The following JAG1 variants were observed in gnomAD, a reference collection of about 807,000 sequenced individuals.
JAG1 encodes jagged canonical Notch ligand 1, also known as protein jagged-1.
JAG1 carries 23 observed loss-of-function variants against 148.7 expected under a neutral mutation model. The ratio of observed to expected loss-of-function variants is 0.15; its 90% CI spans 0.11 to 0.22. The LOEUF (loss-of-function observed/expected upper bound fraction) is 0.22, where lower values mean the gene tolerates loss of function less well. JAG1 is among the 10% of genes least tolerant of loss of function. The pLI is 1.00. For missense variants in JAG1, 1,054 were observed against 1,611.2 expected (o/e 0.65, Z 5.92); for synonymous variants, 572 against 598.3 (o/e 0.96, Z 0.64).
At chr20:10,664,488 G>A (rs914733843) in intron 2 of JAG1, among the ~76,000 whole-genome samples, 3 of 152,060 alleles carry the variant, frequency 2.0e-5, no homozygotes, top group African/African-American at 7.2e-5. Flanking sequence ...TTGGGCCCTG[G>A]TGAGGCAGTC....
intron 5 of JAG1, 145 bp downstream of exon 5, chr20:10,656,253 G>C: frequency 1.5e-6 from 1 of 671,848 alleles, no homozygotes; most frequent in Non-Finnish European, 2.7e-6. Flanking sequence ...AATTTAATAA[G>C]CTTCGGATGT....
chr20:10,652,694 G>T, intron 5 of JAG1, 96 bp from the exon 6 acceptor site: 1 of 1,384,292 alleles, frequency 7.2e-7, no homozygotes. Context: ...GGCTTTTTCT[G>T]TTTTGTTTCT....
chr20:10,640,666 G>A, intron 25 of JAG1, 117 bp downstream of exon 25: 1 of 1,054,154 alleles, frequency 9.5e-7, no homozygotes, highest in South Asian at 1.3e-5. Context: ...CAGTTAAATT[G>A]GGAGCTCCTG....
Position 10,637,927 on chromosome 20 carries a change from G to C in JAG1, c.*1571C>G, listed in dbSNP as rs529989723. On this transcript the variant is annotated 3_prime_UTR_variant, in exon 26 of 26. Transcript: ENST00000254958. ...ACTCAGCAGGGTGGCAGAAGCACAT[G>C]GCAAAGCCGGTAGAACTACGTAAGC... 2.6e-5 allele frequency: 4 copies of C among 152,606 alleles called. No homozygotes were observed. The highest frequency in any genetic ancestry group is 2.6e-4 in the Admixed American group (4 of 15,290). 9.5% of individuals were successfully genotyped at this position (152,606 alleles called of 1,614,324 possible).
intron 2 of JAG1, among the ~76,000 whole-genome samples, chr20:10,665,926 G>A (rs1331958611): frequency 6.6e-6 from 1 of 152,164 alleles, no homozygotes; most frequent in Admixed American, 6.5e-5. Flanking sequence ...ATCCTCGCCA[G>A]AACTGGGAAA....
At chr20:10,640,399 AC>A (rs34220770) in intron 25 of JAG1, among the ~76,000 whole-genome samples, 57,680 of 151,988 alleles carry the variant, frequency 0.38, 11,673 homozygotes, top group Admixed American at 0.48. Context: ...AAGCCTGGAC[AC>A]CCCTGCGGGG....
Position 10,639,843 on chromosome 20 carries a change from G to C in JAG1, c.3312C>G (p.His1104Gln), listed in dbSNP as rs1250645531. Residue 1104 changes from histidine (H) to glutamine (Q), a missense_variant, in exon 26 of 26, where the codon CAC (histidine) becomes CAG (glutamine). His to Gln is a conservative substitution (Grantham distance 24). Transcript: ENST00000254958. Reference protein sequence around the residue: ...RKRRKPGSHTHSASEDNTTNN... With the variant: ...RKRRKPGSHTQSASEDNTTNN... ...TGGTGGTGTTGTCCTCAGAGGCTGA[G>C]TGTGTGTGGCTGCCCGGCTTCCGCC... 6.2e-7 allele frequency: 1 copy of C among 1,614,188 alleles called. No individual in the cohort carries two copies. The highest frequency in any genetic ancestry group is 8.5e-7 in the Non-Finnish European group (1 of 1,180,008).
intron 10 of JAG1, 72 bp downstream of exon 10, chr20:10,649,450 G>A (rs1239472647): frequency 4.3e-6 from 4 of 920,946 alleles, no homozygotes; most frequent in Non-Finnish European, 7.1e-6. Flanking sequence ...CCTAGGACTG[G>A]AGCCCCAGTA....
rs766675830 is a variant in JAG1, at chr20:10,639,663, G to A, written c.3492C>T (p.His1164=). 5.6e-6 allele frequency: 9 copies of A among 1,614,232 alleles called. No homozygotes were observed. The highest frequency in any genetic ancestry group is 7.6e-6 in the Non-Finnish European group (9 of 1,180,040). The change falls in exon 26 of 26, where the codon CAC becomes CAT. Residue 1164 remains histidine, a synonymous_variant. Coordinates refer to ENST00000254958, the MANE Select transcript of JAG1 (RefSeq NM_000214.3). ...SEVEEDDMDK[H]QQKARFAKQP... The stretch of plus-strand genomic sequence containing the variant: ...GCTTGGCAAACCGGGCTTTCTGCTG[G>A]TGTTTGTCCATGTCGTCCTCTTCTA...
rs2067332433 is a variant in JAG1, at chr20:10,649,589, A to G, written c.1281T>C (p.Cys427=). 6.2e-7 allele frequency: 1 copy of G among 1,613,910 alleles called. No homozygotes were observed. Among genetic ancestry groups the G allele is most frequent in the South Asian group, 1.1e-5 (1 of 91,066 alleles). Residue 427 remains cysteine (C), a synonymous_variant, in exon 10 of 26, where the codon TGT becomes TGC. Transcript: ENST00000254958. ...EAKPCVNAKS[C]KNLIASYYCD... Reference sequence around the variant, plus strand: ...AGTAGTAGCTGGCAATGAGATTCTTACAGGATTTGGCGTTTACACAAGGTT... The same window carrying G: ...AGTAGTAGCTGGCAATGAGATTCTTGCAGGATTTGGCGTTTACACAAGGTT...
intron 9 of JAG1, among the ~76,000 whole-genome samples, 173 bp downstream of exon 9, chr20:10,650,073 TC>T (rs2122611212): frequency 6.6e-6 from 1 of 152,330 alleles, no homozygotes; most frequent in Non-Finnish European, 1.5e-5. Context: ...AAAGAGCTAG[TC>T]CATTTGCATT....
chr20:10,673,442 G>A lies in JAG1; in HGVS notation c.81+8C>T, dbSNP rs1214661671. The A allele has an allele frequency of 3.4e-6, 5 of 1,449,752 alleles. No individual in the cohort carries two copies. Among genetic ancestry groups the A allele is most frequent in the East Asian group, 2.8e-5 (1 of 36,086 alleles). 89.8% of individuals were successfully genotyped at this position (1,449,752 alleles called of 1,614,324 possible). ...GGCTGGGAGGGAGGCCCGGAGAAGG[G>A]CTCCTACCTTGGCTCGCAGGGCACA... On this transcript the variant is annotated splice_region_variant and intron_variant, in intron 1 of 25. Coordinates refer to ENST00000254958, the MANE Select transcript of JAG1 (RefSeq NM_000214.3). The surrounding 1 kb of genome is among the most constrained non-coding windows in gnomAD (Gnocchi z 4.7).
At chr20:10,649,692 C>G in intron 9 of JAG1, 57 bp from the exon 10 acceptor site, 1 of 1,003,422 alleles carries the variant, frequency 1.0e-6, no homozygotes, top group South Asian at 1.3e-5. Context: ...TCTCCCCCAC[C>G]TTGGAAAAAA....
At chr20:10,662,573 C>A (rs1041822135) in intron 3 of JAG1, 1 of 152,732 alleles carries the variant, frequency 6.5e-6, no homozygotes, top group Non-Finnish European at 1.5e-5. Flanking sequence ...TATGTCTCCC[C>A]CCTCCTCAAC....
At chr20:10,648,803 T>C in intron 11 of JAG1, 81 bp from the exon 12 acceptor site, 1 of 1,393,328 alleles carries the variant, frequency 7.2e-7, no homozygotes, top group Non-Finnish European at 1.0e-6. Context: ...CGGTTTAGCA[T>C]GACTGTTGCG....
rs1491263633 is a variant in JAG1 at position 10,644,274 on chromosome 20, T to TCACACA, written c.2372+82_2372+83insTGTGTG. The stretch of plus-strand genomic sequence containing the variant: ...ATTTTAAACACAATCCCTGGGTGAT[T>TCACACA]CTCACACACACACACACACACACAC... On this transcript the variant is annotated intron_variant, in intron 19 of 25. Transcript: ENST00000254958. 1.7e-5 allele frequency: 12 copies of TCACACA among 688,488 alleles called. No individual in the cohort carries two copies. The African/African-American group carries it at 2.7e-4, about 16-fold the overall frequency. 42.6% of individuals were successfully genotyped at this position (688,488 alleles called of 1,614,324 possible).
intron 2 of JAG1, among the ~76,000 whole-genome samples, chr20:10,669,028 A>AG (rs2067476483): frequency 2.5e-5 from 1 of 40,770 alleles, no homozygotes; most frequent in Admixed American, 2.4e-4. Context: ...CACCTGCAAG[A>AG]GAAAAAAAAA....
Position 10,645,076 on chromosome 20 carries a change from G to A in JAG1, c.2227+67C>T, listed in dbSNP as rs769558509. On this transcript the variant is annotated intron_variant, in intron 17 of 25. Transcript: ENST00000254958. The surrounding 1 kb of genome is among the most constrained non-coding windows in gnomAD (Gnocchi z 6.1). ...CCCAGAGAAATATCATAAGCTCCAGGGGCCAACCAGCAGACACGCCCAGGT... is the reference window on the plus strand; with the variant it reads ...CCCAGAGAAATATCATAAGCTCCAGAGGCCAACCAGCAGACACGCCCAGGT... The A allele has an allele frequency of 2.8e-5, 42 of 1,517,298 alleles. No individual in the cohort carries two copies. The South Asian group carries it at 2.9e-4, about 11-fold the overall frequency. 94.0% of individuals were successfully genotyped at this position (1,517,298 alleles called of 1,614,324 possible). A position where few individuals can be genotyped will look rare whatever the true frequency, so the allele number is the denominator to read the frequency against.
At chr20:10,642,960 A>G (rs1600180134) in intron 20 of JAG1, among the ~76,000 whole-genome samples, 1 of 152,140 alleles carries the variant, frequency 6.6e-6, no homozygotes, top group African/African-American at 2.4e-5. Flanking sequence ...CAACTATCCA[A>G]CTCTTGTGGT....
Sources: gnomAD v4.1 joint callset for allele counts (sites outside exome capture counted in the v4.1 genomes callset) on GRCh38, gnomAD v4.1.1 for gene constraint, Gnocchi (gnomAD v3.1) non-coding constraint, MANE v1.5 for transcripts, NCBI Gene and HGNC (gene_info 2026-07-23, HGNC 2026-07-21) for gene names.